The following KLRK1 variants were observed in gnomAD, a reference collection of about 807,000 sequenced individuals.
KLRK1 encodes the protein NKG2-D type II integral membrane protein.
Under a neutral mutation model 31.3 loss-of-function variants are expected in KLRK1, and 40 were observed. The ratio of observed to expected loss-of-function variants is 1.28; its 90% CI spans 0.99 to 1.67. The LOEUF (loss-of-function observed/expected upper bound fraction) is 1.67. Ranked by LOEUF, KLRK1 falls within the 40% of genes most tolerant of loss-of-function variation. The probability of loss-of-function intolerance (pLI) is 0.00; values close to 1 mark genes in which losing one functional copy is unlikely to be tolerated. For missense variants in KLRK1, 251 were observed against 260.0 expected (o/e 0.97, Z 0.24); for synonymous variants, 77 against 77.3 (o/e 1.00, Z 0.02).
At chr12:10,373,751 ATC>A (rs1279905070) in intron 7 of KLRK1, among the ~76,000 whole-genome samples, 8 of 32,118 alleles carry the variant, frequency 2.5e-4, no homozygotes, top group Non-Finnish European at 8.4e-4. Flanking sequence ...AGATTTCTAT[ATC>A]TATATATGTG....
chr12:10,375,000 A>G (rs1019683115), intron 7 of KLRK1, among the ~76,000 whole-genome samples: 1 of 151,746 alleles, frequency 6.6e-6, no homozygotes, highest in Admixed American at 6.6e-5. Flanking sequence ...TTGAGAAACT[A>G]TGATATAAAC....
intron 3 of KLRK1, among the ~76,000 whole-genome samples, chr12:10,381,002 T>C (rs1210069140): frequency 2.0e-5 from 3 of 152,120 alleles, no homozygotes; most frequent in Non-Finnish European, 1.5e-5. Flanking sequence ...TAGAGGACTG[T>C]AGCATAGCCA....
intron 7 of KLRK1, among the ~76,000 whole-genome samples, chr12:10,377,562 T>G (rs2137805597): frequency 8.9e-6 from 1 of 112,126 alleles, no homozygotes; most frequent in Non-Finnish European, 2.2e-5. Flanking sequence ...TTATATTAAA[T>G]TCTATGAATT....
intron 7 of KLRK1, among the ~76,000 whole-genome samples, chr12:10,375,927 A>T (rs1175438870): frequency 6.6e-6 from 1 of 152,238 alleles, no homozygotes; most frequent in Non-Finnish European, 1.5e-5. Flanking sequence ...AACTACAGAC[A>T]TGGGACACTT....
chr12:10,379,907 C>G (rs1863038776), intron 3 of KLRK1, 115 bp from the exon 4 acceptor site: 2 of 931,680 alleles, frequency 2.1e-6, no homozygotes, highest in Admixed American at 3.3e-5. Context: ...GATCCTTTTT[C>G]TGCCTTAATA....
chr12:10,376,325 TAAATTATAC>T (rs1228616933), intron 7 of KLRK1, among the ~76,000 whole-genome samples: 13 of 152,320 alleles, frequency 8.5e-5, no homozygotes, highest in African/African-American at 3.1e-4. Context: ...ATTTAAGTTT[TAAATTATAC>T]AAAATAATTC....
Position 10,378,695 on chromosome 12 carries a change from A to G in KLRK1, c.288T>C (p.Cys96=). The change falls in exon 6 of 8, where the codon TGT becomes TGC. Residue 96 remains cysteine (C), a synonymous_variant. Transcript: ENST00000240618. ...ATATCCAGTTTTTAGGACATGGGCCACAGTAACTTTCTGGAAAAGGAGAAT... is the reference window on the plus strand; with the variant it reads ...ATATCCAGTTTTTAGGACATGGGCCGCAGTAACTTTCTGGAAAAGGAGAAT... ...EVQIPLTESY[C]GPCPKNWICY... is the part of the protein sequence containing the mutation. 1 of 1,595,298 alleles carries G rather than the reference A, an allele frequency of 6.3e-7. No individual in the cohort carries two copies. Among genetic ancestry groups the G allele is most frequent in the Non-Finnish European group, 8.5e-7 (1 of 1,174,974 alleles).
intron 3 of KLRK1, among the ~76,000 whole-genome samples, chr12:10,381,272 T>A (rs1405230101): frequency 6.6e-6 from 1 of 150,640 alleles, no homozygotes; most frequent in Non-Finnish European, 1.5e-5. Context: ...AAAAAATACC[T>A]CCTCCCAAAC....
intron 2 of KLRK1, among the ~76,000 whole-genome samples, 192 bp from the exon 3 acceptor site, chr12:10,387,202 A>G (rs1428680426): frequency 6.6e-6 from 1 of 152,244 alleles, no homozygotes; most frequent in Admixed American, 6.5e-5. Flanking sequence ...AAATAAAACT[A>G]TATTTATGCC....
At chr12:10,389,077 A>G in intron 1 of KLRK1, 1 of 441,262 alleles carries the variant, frequency 2.3e-6, no homozygotes, top group South Asian at 4.1e-5. Flanking sequence ...CAATTACTTC[A>G]AAATGTCATA....
At chr12:10,373,285 TA>T in intron 7 of KLRK1, 54 bp from the exon 8 acceptor site, 1 of 1,445,228 alleles carries the variant, frequency 6.9e-7, no homozygotes, top group South Asian at 1.3e-5. Context: ...CGCGGGAAAA[TA>T]AAAATGAATC....
At chr12:10,377,850 A>C (rs1388815818) in intron 7 of KLRK1, among the ~76,000 whole-genome samples, 4 of 152,184 alleles carry the variant, frequency 2.6e-5, no homozygotes, top group Admixed American at 6.5e-5. Flanking sequence ...GTAATATTTA[A>C]CCTCTCTGTT....
chr12:10,381,994 T>A (rs1035537470), intron 3 of KLRK1: 2 of 152,194 alleles, frequency 1.3e-5, no homozygotes, highest in Non-Finnish European at 2.9e-5. Context: ...AGTGCTCATA[T>A]GGGGAGCATT....
chr12:10,388,728 T>C lies in KLRK1; in HGVS notation c.40+43A>G, dbSNP rs149517987. 5.0e-3 allele frequency: 8,026 copies of C among 1,612,748 alleles called. 29 individuals are homozygous for C. Among genetic ancestry groups the C allele is most frequent in the Middle Eastern group, 6.1e-3 (37 of 6,056 alleles). On this transcript the variant is annotated intron_variant, in intron 2 of 7. Coordinates refer to ENST00000240618, the MANE Select transcript of KLRK1 (RefSeq NM_007360.4). ...GTATGAAATTCTTGGTATCTTAAAA[T>C]TGTATAAAAACAAAACTACACACTT...
At chr12:10,380,507 T>C (rs2617152) in intron 3 of KLRK1, among the ~76,000 whole-genome samples, 113,526 of 152,026 alleles carry the variant, frequency 0.75, 43,259 homozygotes, top group South Asian at 0.88. Context: ...GAATAGAGTG[T>C]TGAAGGGAGA....
At chr12:10,379,367 A>G (rs1217709954) in intron 5 of KLRK1, 80 bp downstream of exon 5, 1 of 868,010 alleles carries the variant, frequency 1.2e-6, no homozygotes, top group Non-Finnish European at 1.6e-6. Flanking sequence ...TCCTTTTTTA[A>G]TCATGGAATA....
chr12:10,385,618 A>T (rs1037724483), intron 3 of KLRK1, among the ~76,000 whole-genome samples: 1 of 151,874 alleles, frequency 6.6e-6, no homozygotes, highest in African/African-American at 2.4e-5. Flanking sequence ...AATAGGGGGG[A>T]GGAGAAGATT....
In KLRK1 at chr12:10,372,644, AG is replaced by A; in HGVS notation, c.*469del. On this transcript the variant is annotated 3_prime_UTR_variant, in exon 8 of 8. Coordinates refer to ENST00000240618, the MANE Select transcript of KLRK1 (RefSeq NM_007360.4). ...CCACCTCCCTGACCCCGTTGGGTGG[AG>A]GACCCATTAAAAGTGGCAGCATGAC... The A allele has an allele frequency of 5.3e-6, 1 of 187,984 alleles. No individual in the cohort carries two copies. The highest frequency in any genetic ancestry group is 1.1e-5 in the Non-Finnish European group (1 of 93,014). The allele number at this position is 187,984 out of a possible 1,614,324, so 11.6% of individuals were successfully genotyped here. A position where few individuals can be genotyped will look rare whatever the true frequency, so the allele number is the denominator to read the frequency against.
chr12:10,378,338 G>A (rs1863004085), intron 6 of KLRK1, 103 bp from the exon 7 acceptor site: 1 of 1,365,978 alleles, frequency 7.3e-7, no homozygotes, highest in Admixed American at 2.1e-5. Context: ...GTAAAAAAAT[G>A]CATTCTGTCC....
Sources: gnomAD v4.1 joint callset for allele counts (sites outside exome capture counted in the v4.1 genomes callset) on GRCh38, gnomAD v4.1.1 for gene constraint, MANE v1.5 for transcripts, NCBI Gene and HGNC (gene_info 2026-07-23, HGNC 2026-07-21) for gene names.